Variants in CEP68 observed in about 807,000 individuals in gnomAD.
CEP68 encodes the protein centrosomal protein 68.
Under a neutral mutation model 55.3 loss-of-function variants are expected in CEP68, and 26 were observed. The ratio of observed to expected loss-of-function variants is 0.47; its 90% CI spans 0.34 to 0.65. CEP68 has a LOEUF of 0.65. Among genes scored for constraint, CEP68 ranks in the 30% least tolerant of loss-of-function variants. The pLI, the probability that CEP68 is intolerant of heterozygous loss-of-function variation, is 0.01. For missense variants in CEP68, 957 were observed against 946.7 expected (o/e 1.01, Z -0.14); for synonymous variants, 402 against 383.2 (o/e 1.05, Z -0.57).
At chr2:65,066,499 GC>G (rs1481627145) in intron 1 of CEP68, among the ~76,000 whole-genome samples, 1 of 147,176 alleles carries the variant, frequency 6.8e-6, no homozygotes, top group East Asian at 2.0e-4. Flanking sequence ...GGAGGCTGAG[GC>G]GGGTGGATCA....
In CEP68 at chr2:65,080,461, T is replaced by A. The variant is rs1049514063; in HGVS notation, c.2105-2075T>A. The A allele has an allele frequency of 6.1e-6, 6 of 985,308 alleles. No individual in the cohort carries two copies. The South Asian group carries it at 1.4e-4, about 23-fold the overall frequency. The allele number at this position is 985,308 out of a possible 1,614,324, so 61.0% of individuals were successfully genotyped here. On this transcript the variant is annotated intron_variant, in intron 5 of 6. Transcript: ENST00000377990. ...CATAGAGCCAGCCTACAAACATGTT[T>A]TGTTCCAGTCCTTCCCAACTTCTTT...
rs117982644 is a variant in CEP68, at chr2:65,081,392, C to T, written c.2105-1144C>T. Among the ~76,000 whole-genome samples the T allele has an allele frequency of 8.6e-5, 13 of 151,758 alleles. No homozygotes were observed. In the East Asian group the frequency reaches 2.6e-3, roughly 30 times the overall value. ...CCTAGGAGATCTCAATACAGCCAGC[C>T]TGTGTTCCTTCTCCTTCTACTCATC... On this transcript the variant is annotated intron_variant, in intron 5 of 6. Coordinates refer to ENST00000377990, the MANE Select transcript of CEP68 (RefSeq NM_015147.3).
intron 1 of CEP68, among the ~76,000 whole-genome samples, chr2:65,062,159 G>T (rs563635631): frequency 7.9e-5 from 12 of 152,330 alleles, no homozygotes; most frequent in African/African-American, 2.4e-4. Context: ...GTGCGCTCAG[G>T]TAAGAGACGA....
chr2:65,082,790 C>A, intron 6 of CEP68, 81 bp downstream of exon 6: 4 of 1,173,266 alleles, frequency 3.4e-6, no homozygotes, highest in Non-Finnish European at 4.7e-6. Context: ...CTTGTTGAGC[C>A]AAGAACTATT....
Position 65,066,745 on chromosome 2 carries a change from A to ATAT in CEP68, c.-46-2654_-46-2653insTAT, listed in dbSNP as rs1553384178. On this transcript the variant is annotated intron_variant, in intron 1 of 6. Coordinates refer to ENST00000377990, the MANE Select transcript of CEP68 (RefSeq NM_015147.3). Reference sequence around the variant, plus strand: ...CTGTCTCAAAAAAAAAAAAAAAAAAAATATATATATATATATATATATACA... The same window carrying ATAT: ...CTGTCTCAAAAAAAAAAAAAAAAAAATATATATATATATATATATATATATACA... Among the ~76,000 whole-genome samples the ATAT allele has an allele frequency of 3.0e-3, 177 of 58,386 alleles. 1 individual carries two copies. Among genetic ancestry groups the ATAT allele is most frequent in the African/African-American group, 0.012 (136 of 11,318 alleles). 38.3% of individuals were successfully genotyped at this position (58,386 alleles called of 152,430 possible).
At chr2:65,060,175 A>G (rs540309408) in intron 1 of CEP68, among the ~76,000 whole-genome samples, 5 of 152,340 alleles carry the variant, frequency 3.3e-5, no homozygotes, top group African/African-American at 1.2e-4. Flanking sequence ...CCTTTTACTC[A>G]GGTGAGATTG....
chr2:65,074,815 T>C (rs1676688533), intron 4 of CEP68: 2 of 257,614 alleles, frequency 7.8e-6, no homozygotes, highest in Non-Finnish European at 1.5e-5. Flanking sequence ...AAAAATACTT[T>C]AGGGTGATTT....
At chr2:65,059,146 T>C (rs1368185005) in intron 1 of CEP68, among the ~76,000 whole-genome samples, 2 of 152,184 alleles carry the variant, frequency 1.3e-5, no homozygotes, top group Non-Finnish European at 2.9e-5. Flanking sequence ...ATGAAGAAAC[T>C]GTCTCCTATC....
In CEP68 at chr2:65,072,970, A is replaced by G. The variant is rs778496003; in HGVS notation, c.1874A>G (p.Gln625Arg). 8.1e-6 allele frequency: 13 copies of G among 1,614,114 alleles called. No individual in the cohort carries two copies. Among genetic ancestry groups the G allele is most frequent in the Admixed American group, 1.7e-5 (1 of 60,008 alleles). Reference sequence around the variant, plus strand: ...GAACAGGGAAAAGAATCACTGGTGCAATGTGTGAAGGTAATGACACTCAAC... The same window carrying G: ...GAACAGGGAAAAGAATCACTGGTGCGATGTGTGAAGGTAATGACACTCAAC... Reference protein sequence around the residue: ...GGEQGKESLVQCVKTFCCQLE... With the variant: ...GGEQGKESLVRCVKTFCCQLE... The change falls in exon 3 of 7, where the codon CAA (glutamine) becomes CGA (arginine). Residue 625 changes from glutamine (Q) to arginine (R), a missense_variant. Physicochemically the swap from Gln to Arg is conservative, Grantham distance 43 (BLOSUM62 1). Coordinates refer to ENST00000377990, the MANE Select transcript of CEP68 (RefSeq NM_015147.3).
chr2:65,061,613 A>C (rs529523105), intron 1 of CEP68, among the ~76,000 whole-genome samples: 1 of 152,336 alleles, frequency 6.6e-6, no homozygotes, highest in East Asian at 1.9e-4. Context: ...CCTATCCCAC[A>C]GTGAAAGACA....
chr2:65,058,823 A>G (rs1675777379), intron 1 of CEP68, among the ~76,000 whole-genome samples: 1 of 151,936 alleles, frequency 6.6e-6, no homozygotes, highest in African/African-American at 2.4e-5. Context: ...CTGATTTTTA[A>G]ACATCCCTTT....
chr2:65,070,083 C>G (rs1676388592), intron 2 of CEP68, among the ~76,000 whole-genome samples: 1 of 152,266 alleles, frequency 6.6e-6, no homozygotes, highest in Middle Eastern at 3.4e-3. Flanking sequence ...GAGGTCCAGG[C>G]CAGGGGAATT....
rs976594988 is a variant in CEP68, at chr2:65,085,640, C to G, written c.*2006C>G. On this transcript the variant is annotated 3_prime_UTR_variant, in exon 7 of 7. Transcript: ENST00000377990. ...TGGCTAACACGGTGAAACCCCATCTCTACTAAAAATACAAAAAGAAATTAG... is the reference window on the plus strand; with the variant it reads ...TGGCTAACACGGTGAAACCCCATCTGTACTAAAAATACAAAAAGAAATTAG... 6.6e-6 allele frequency: 1 copy of G among 152,298 alleles called. No homozygotes were observed. The highest frequency in any genetic ancestry group is 1.5e-5 in the Non-Finnish European group (1 of 68,152). The allele number at this position is 152,298 out of a possible 1,614,324, so 9.4% of individuals were successfully genotyped here.
intron 3 of CEP68, chr2:65,073,199 G>A (rs141786121): frequency 6.6e-5 from 41 of 622,362 alleles, no homozygotes; most frequent in South Asian, 4.5e-4. Flanking sequence ...GTTAGGTAAC[G>A]TGCCCACTTA....
intron 5 of CEP68, among the ~76,000 whole-genome samples, chr2:65,078,475 A>C (rs1376662800): frequency 1.3e-5 from 2 of 152,174 alleles, no homozygotes; most frequent in Non-Finnish European, 2.9e-5. Flanking sequence ...GAACAGATTG[A>C]ATGAAGAACT....
intron 1 of CEP68, among the ~76,000 whole-genome samples, chr2:65,066,745 A>AAAAAAAAATATATAT (rs70943620): frequency 6.8e-5 from 4 of 58,404 alleles, no homozygotes; most frequent in Non-Finnish European, 9.2e-5. Context: ...AAAAAAAAAA[A>AAAAAAAAATATATAT]ATATATATAT....
chr2:65,082,580 C>A lies in CEP68; in HGVS notation c.2149C>A (p.Leu717Met), dbSNP rs758321362. 7 of 1,604,540 alleles carry A rather than the reference C, an allele frequency of 4.4e-6. No individual in the cohort carries two copies. In the African/African-American group the frequency reaches 8.1e-5, roughly 19 times the overall value. ...GAGGATCGCAAAGCAGTCTGGTGAGCTGGAGAGCCACGCAGATCGCCTGTA... is the reference window on the plus strand; with the variant it reads ...GAGGATCGCAAAGCAGTCTGGTGAGATGGAGAGCCACGCAGATCGCCTGTA... ...LGRIAKQSGE[L>M]ESHADRLYDS... is the part of the protein sequence containing the mutation. Residue 717 changes from leucine (L) to methionine (M), a missense_variant, in exon 6 of 7, where the codon CTG becomes ATG. By Grantham distance (15) the Leu-to-Met change is conservative. Transcript: ENST00000377990.
rs199504363 is a variant in CEP68 at position 65,072,191 on chromosome 2, G to A, written c.1095G>A (p.Leu365=). 1.9e-6 allele frequency: 3 copies of A among 1,614,096 alleles called. No individual in the cohort carries two copies. Among genetic ancestry groups the A allele is most frequent in the Admixed American group, 1.7e-5 (1 of 60,018 alleles). The change falls in exon 3 of 7, where the codon CTG becomes CTA. Residue 365 remains leucine (L), a synonymous_variant. Transcript: ENST00000377990. The stretch of plus-strand genomic sequence containing the variant: ...GCCCACCAGCAGAGGCCACTGCCCT[G>A]CCATTTTCTGGGCCCAGAGAGCCAA... ...PNCPPAEATA[L]PFSGPREPSL...
intron 5 of CEP68, among the ~76,000 whole-genome samples, chr2:65,079,337 C>A (rs73936413): frequency 0.06 from 9,182 of 152,240 alleles, 921 homozygotes; most frequent in African/African-American, 0.21. Context: ...AGCAGCACCC[C>A]TGGCCCCAGT....
Sources: gnomAD v4.1 joint callset for allele counts (sites outside exome capture counted in the v4.1 genomes callset) on GRCh38, gnomAD v4.1.1 for gene constraint, MANE v1.5 for transcripts, NCBI Gene and HGNC (gene_info 2026-07-23, HGNC 2026-07-21) for gene names.